Variants in DLG2 observed in about 807,000 individuals in gnomAD.
DLG2 encodes discs large MAGUK scaffold protein 2.
Under a neutral mutation model 132.5 loss-of-function variants are expected in DLG2, and 45 were observed. That is an observed-to-expected ratio of 0.34 (90% CI 0.27 to 0.44). The LOEUF (loss-of-function observed/expected upper bound fraction) is 0.44, where lower values mean the gene tolerates loss of function less well. Among genes scored for constraint, DLG2 ranks in the 20% least tolerant of loss-of-function variants. The probability of loss-of-function intolerance (pLI) is 1.00; values close to 1 mark genes in which losing one functional copy is unlikely to be tolerated. For synonymous variants in DLG2, 424 were observed against 419.6 expected, an observed-to-expected ratio of 1.01 and a Z score of -0.13; for missense variants, 1,045 against 1,196.9, an observed-to-expected ratio of 0.87 and a Z score of 1.87.
chr11:85,466,550 CAT>C lies in DLG2; in HGVS notation c.40+132105_40+132106del, dbSNP rs1017766174. 1.4e-4 allele frequency among the ~76,000 whole-genome samples: 21 copies of C among 152,218 alleles called. 1 individual carries two copies. Among genetic ancestry groups the C allele is most frequent in the African/African-American group, 4.1e-4 (17 of 41,532 alleles). ...TATGGCTAGCCAGTTTTCCCAGCAC[CAT>C]TTATTAAATAAGGAATCCTTTCCCT... On this transcript the variant is annotated intron_variant, in intron 3 of 27. Transcript: ENST00000376104.
At chr11:84,991,560 A>AAGG (rs1045425442) in intron 6 of DLG2, among the ~76,000 whole-genome samples, 5 of 151,764 alleles carry the variant, frequency 3.3e-5, no homozygotes, top group South Asian at 2.1e-4. Context: ...AAATAAAGAA[A>AAGG]AGGAGGAGGA....
At chr11:84,502,218 C>T (rs1472775654) in intron 7 of DLG2, among the ~76,000 whole-genome samples, 2 of 11,680 alleles carry the variant, frequency 1.7e-4, no homozygotes, top group African/African-American at 1.3e-3. Flanking sequence ...TTCCTTCCTT[C>T]CTTCCTTCCT....
chr11:84,881,575 TCA>T (rs1488621323), intron 6 of DLG2, among the ~76,000 whole-genome samples: 1 of 152,012 alleles, frequency 6.6e-6, no homozygotes, highest in Non-Finnish European at 1.5e-5. Flanking sequence ...CACAATTGTC[TCA>T]CACCCTGTTG....
intron 6 of DLG2, among the ~76,000 whole-genome samples, chr11:84,843,331 T>C (rs184116226): frequency 2.2e-4 from 34 of 151,878 alleles, no homozygotes; most frequent in Admixed American, 1.3e-3. Flanking sequence ...ACTGGATCTG[T>C]CTTAAATTCT....
At chr11:84,413,648 G>C (rs1203576707) in intron 7 of DLG2, among the ~76,000 whole-genome samples, 1 of 152,148 alleles carries the variant, frequency 6.6e-6, no homozygotes, top group African/African-American at 2.4e-5. Flanking sequence ...TTCATACTTA[G>C]TAAAATCCCT....
intron 6 of DLG2, among the ~76,000 whole-genome samples, chr11:84,563,097 C>G (rs940273094): frequency 6.6e-6 from 1 of 152,216 alleles, no homozygotes; most frequent in African/African-American, 2.4e-5. Flanking sequence ...CTACTAAAAT[C>G]CATTCATATT....
At chr11:83,655,093 C>G (rs1015759479) in intron 18 of DLG2, among the ~76,000 whole-genome samples, 4 of 152,214 alleles carry the variant, frequency 2.6e-5, no homozygotes, top group Non-Finnish European at 5.9e-5. Flanking sequence ...CCATCCAGTG[C>G]TTTTCTCCAT....
chr11:85,089,029 T>A (rs780081551), intron 6 of DLG2, among the ~76,000 whole-genome samples: 3 of 152,232 alleles, frequency 2.0e-5, no homozygotes, highest in Non-Finnish European at 4.4e-5. Context: ...TTATAAACTA[T>A]GCTGTGAGTG....
intron 13 of DLG2, among the ~76,000 whole-genome samples, chr11:83,964,741 G>C (rs75390745): frequency 0.11 from 16,074 of 151,976 alleles, 1,189 homozygotes; most frequent in African/African-American, 0.21. Context: ...AGTCTCATTA[G>C]TTGTTAGTTG....
At chr11:85,273,423 C>A (rs1317504142) in intron 4 of DLG2, among the ~76,000 whole-genome samples, 2 of 152,100 alleles carry the variant, frequency 1.3e-5, no homozygotes, top group African/African-American at 2.4e-5. Flanking sequence ...AATCAAACAA[C>A]CCCATCAAAA....
chr11:85,131,459 T>C (rs2075703712), intron 5 of DLG2, among the ~76,000 whole-genome samples: 1 of 152,164 alleles, frequency 6.6e-6, no homozygotes, highest in East Asian at 1.9e-4. Context: ...AAGAGGATAT[T>C]TCCTTTAGTA....
intron 18 of DLG2, among the ~76,000 whole-genome samples, chr11:83,671,877 A>G (rs1030944986): frequency 1.3e-5 from 2 of 152,194 alleles, no homozygotes; most frequent in African/African-American, 4.8e-5. Flanking sequence ...TCTCATTGTC[A>G]TGACTTGTTT....
intron 7 of DLG2, among the ~76,000 whole-genome samples, chr11:84,357,287 T>C (rs890888973): frequency 2.0e-5 from 3 of 151,994 alleles, no homozygotes; most frequent in African/African-American, 7.2e-5. Flanking sequence ...TACATTACTG[T>C]TCCTATTTTA....
chr11:84,476,675 C>G (rs1003290368), intron 7 of DLG2, among the ~76,000 whole-genome samples: 10 of 152,190 alleles, frequency 6.6e-5, no homozygotes, highest in African/African-American at 2.2e-4. Context: ...TCCCAGGAGG[C>G]TTGCCTTTGG....
intron 3 of DLG2, among the ~76,000 whole-genome samples, chr11:85,296,938 GTA>G (rs929949483): frequency 2.7e-5 from 4 of 149,380 alleles, no homozygotes; most frequent in Admixed American, 1.3e-4. Context: ...ATAATTTATT[GTA>G]GTGTACAAAT....
chr11:84,817,350 CAAG>C (rs2077187528), intron 6 of DLG2, among the ~76,000 whole-genome samples: 1 of 151,936 alleles, frequency 6.6e-6, no homozygotes, highest in Admixed American at 6.6e-5. Flanking sequence ...GTCTGTACAC[CAAG>C]GACCTACCTA....
intron 3 of DLG2, among the ~76,000 whole-genome samples, chr11:85,418,530 T>C (rs577351169): frequency 1.3e-4 from 20 of 152,310 alleles, no homozygotes; most frequent in African/African-American, 4.3e-4. Context: ...CTGTCTAATA[T>C]TGACAATGGG....
chr11:85,122,982 T>TATATATATATATATATATATATATATA lies in DLG2; in HGVS notation c.283-11248_283-11247insTATATATATATATATATATATATATAT, dbSNP rs1271959521. On this transcript the variant is annotated intron_variant, in intron 5 of 27. Transcript: ENST00000376104. ...ATATATATATATATTTTTTTTTTTT[T>TATATATATATATATATATATATATATA]TTTTTTTTTTTTTGAGACAGAGTCT... is the stretch of plus-strand genomic sequence containing the variant. 6.6e-4 allele frequency among the ~76,000 whole-genome samples: 21 copies of TATATATATATATATATATATATATATA among 31,910 alleles called. No individual in the cohort carries two copies. The East Asian group carries it at 0.014, about 21-fold the overall frequency. 20.9% of individuals were successfully genotyped at this position (31,910 alleles called of 152,430 possible).
intron 3 of DLG2, among the ~76,000 whole-genome samples, chr11:85,591,371 C>T (rs937099375): frequency 6.6e-6 from 1 of 152,178 alleles, no homozygotes; most frequent in African/African-American, 2.4e-5. Flanking sequence ...CTGTTCCAGG[C>T]AGATCCATTT....
Sources: gnomAD v4.1 joint callset for allele counts (sites outside exome capture counted in the v4.1 genomes callset) on GRCh38, gnomAD v4.1.1 for gene constraint, MANE v1.5 for transcripts, NCBI Gene and HGNC (gene_info 2026-07-23, HGNC 2026-07-21) for gene names.